FUT8: variants seen among roughly 807,000 people sequenced by gnomAD.
FUT8 encodes the protein fucosyltransferase 8, also known as alpha-(1,6)-fucosyltransferase.
FUT8 carries 29 observed loss-of-function variants against 71.3 expected under a neutral mutation model. The observed-to-expected ratio is 0.41, with a 90% confidence interval of 0.30 to 0.55. The LOEUF is 0.55. Among genes scored for constraint, FUT8 ranks in the 20% least tolerant of loss-of-function variants. The pLI is 0.34. For missense variants in FUT8, 544 were observed against 702.1 expected, an observed-to-expected ratio of 0.77 and a Z score of 2.55; for synonymous variants, 254 against 239.3, an observed-to-expected ratio of 1.06 and a Z score of -0.57.
the FUT8 span, among the ~76,000 whole-genome samples, chr14:65,388,591 G>A: frequency 6.6e-6 from 1 of 152,114 alleles, no homozygotes; most frequent in South Asian, 2.1e-4. Flanking sequence ...GTGAAACCCC[G>A]TCTCTGCTAA....
chr14:65,654,689 A>C (rs1566877735), intron 6 of FUT8, among the ~76,000 whole-genome samples: 1 of 152,192 alleles, frequency 6.6e-6, no homozygotes, highest in Admixed American at 6.5e-5. Context: ...ACTATAGATA[A>C]ATCAAAATTA....
chr14:65,612,649 T>C (rs1032036693), intron 3 of FUT8, among the ~76,000 whole-genome samples: 1 of 152,234 alleles, frequency 6.6e-6, no homozygotes, highest in African/African-American at 2.4e-5. Flanking sequence ...ACTCAGTGAA[T>C]GTACTGGCTC....
chr14:65,540,441 A>T (rs1884608327), intron 2 of FUT8, among the ~76,000 whole-genome samples: 1 of 152,204 alleles, frequency 6.6e-6, no homozygotes, highest in South Asian at 2.1e-4. Context: ...ACTTTATTGA[A>T]AGTGTAATAA....
intron 3 of FUT8, among the ~76,000 whole-genome samples, chr14:65,613,121 A>T (rs1889094243): frequency 6.6e-6 from 1 of 151,784 alleles, no homozygotes; most frequent in Admixed American, 6.6e-5. Flanking sequence ...TTAGAATTAG[A>T]TTGGAACTCT....
chr14:65,672,950 T>G (rs1266538816), intron 7 of FUT8, among the ~76,000 whole-genome samples: 1 of 152,222 alleles, frequency 6.6e-6, no homozygotes, highest in South Asian at 2.1e-4. Context: ...ATTATTCACC[T>G]TAACAGTTAA....
chr14:65,685,530 A>G (rs747535852), intron 7 of FUT8, among the ~76,000 whole-genome samples: 1 of 152,224 alleles, frequency 6.6e-6, no homozygotes, highest in East Asian at 1.9e-4. Flanking sequence ...AATTTGGGGC[A>G]AGTCCATAGA....
At chr14:65,468,814 C>T (rs2066088589) in intron 2 of FUT8, among the ~76,000 whole-genome samples, 1 of 152,016 alleles carries the variant, frequency 6.6e-6, no homozygotes, top group Non-Finnish European at 1.5e-5. Flanking sequence ...TCCTTTCTTT[C>T]CACAGGATCT....
Position 65,652,145 on chromosome 14 carries a change from A to G in FUT8, c.598-17098A>G, listed in dbSNP as rs1458361972. On this transcript the variant is annotated intron_variant, in intron 6 of 10. Coordinates refer to ENST00000673929, the MANE Select transcript of FUT8 (RefSeq NM_001371533.1). This position sits in a 1 kb window ranked among gnomAD's most constrained non-coding sequence, Gnocchi z 4.0. ...GCCTCCAGAAGAAGCCAACCCTGCC[A>G]ACACCTTGATTTTGGACTTCTGGCT... Among the ~76,000 whole-genome samples the G allele has an allele frequency of 1.3e-5, 2 of 152,172 alleles. No individual in the cohort carries two copies. Among genetic ancestry groups the G allele is most frequent in the Non-Finnish European group, 1.5e-5 (1 of 68,028 alleles).
chr14:65,740,554 C>T (rs1353147980), intron 10 of FUT8, among the ~76,000 whole-genome samples: 1 of 152,004 alleles, frequency 6.6e-6, no homozygotes, highest in African/African-American at 2.4e-5. Flanking sequence ...TTAACTGGCT[C>T]ATGGTTCTGC....
At position 65,742,433 on chromosome 14, in the gene FUT8, G is replaced by A. The variant is rs754822087; in HGVS notation, c.*23G>A. 1.3e-5 allele frequency: 20 copies of A among 1,596,974 alleles called. No homozygotes were observed. Among genetic ancestry groups the A allele is most frequent in the Middle Eastern group, 3.3e-4 (2 of 5,996 alleles). On this transcript the variant is annotated 3_prime_UTR_variant, in exon 11 of 11. Coordinates refer to ENST00000673929, the MANE Select transcript of FUT8 (RefSeq NM_001371533.1). ...TAAAGCTCAGATGGAAGAGATAAAC[G>A]ACCAAACTCAGTTCGACCAAACTCA...
At chr14:65,716,268 T>C (rs1018291593) in intron 7 of FUT8, among the ~76,000 whole-genome samples, 2 of 152,176 alleles carry the variant, frequency 1.3e-5, no homozygotes, top group Non-Finnish European at 2.9e-5. Context: ...TCGTTAGCTG[T>C]AATATTTGCT....
chr14:65,533,709 G>A (rs1027565172), intron 2 of FUT8, among the ~76,000 whole-genome samples: 2 of 151,972 alleles, frequency 1.3e-5, no homozygotes, highest in African/African-American at 4.8e-5. Context: ...GGGCATCTTT[G>A]TCTTGTGCCA....
chr14:65,627,234 G>T lies in FUT8; in HGVS notation c.483-2258G>T, dbSNP rs1297591594. On this transcript the variant is annotated intron_variant, in intron 5 of 10. Transcript: ENST00000673929. The surrounding 1 kb of genome is among the most constrained non-coding windows in gnomAD (Gnocchi z 4.0). ...TATTGTATATTGGAAAATGATAACT[G>T]CTTAGAAAAAAAAAATAAGCAGGGA... Among the ~76,000 whole-genome samples, 1 of 151,932 alleles carries T rather than the reference G, an allele frequency of 6.6e-6. No individual in the cohort carries two copies. The highest frequency in any genetic ancestry group is 2.4e-5 in the African/African-American group (1 of 41,352).
chr14:65,559,826 G>T (rs549435585), intron 2 of FUT8, among the ~76,000 whole-genome samples: 8 of 152,020 alleles, frequency 5.3e-5, no homozygotes, highest in South Asian at 2.1e-4. Context: ...TTTAAGAAAG[G>T]GACAGGATAA....
At chr14:65,624,029 T>C (rs948209378) in intron 5 of FUT8, among the ~76,000 whole-genome samples, 1 of 152,218 alleles carries the variant, frequency 6.6e-6, no homozygotes, top group African/African-American at 2.4e-5. Context: ...GTTCCCTTGC[T>C]GATTTGATTA....
At chr14:65,705,102 T>C (rs899512107) in intron 7 of FUT8, among the ~76,000 whole-genome samples, 3 of 152,184 alleles carry the variant, frequency 2.0e-5, no homozygotes, top group African/African-American at 7.2e-5. Flanking sequence ...TTCAATTGGT[T>C]GGAGGCTTCA....
At chr14:65,528,378 A>G (rs1009120683) in intron 2 of FUT8, among the ~76,000 whole-genome samples, 2 of 152,170 alleles carry the variant, frequency 1.3e-5, no homozygotes, top group African/African-American at 4.8e-5. Context: ...CCGGTGTGCC[A>G]TTTGCTTAAG....
chr14:65,585,709 A>G (rs961189859), intron 3 of FUT8, among the ~76,000 whole-genome samples: 2 of 152,238 alleles, frequency 1.3e-5, no homozygotes, highest in African/African-American at 4.8e-5. Flanking sequence ...AACAACAGTG[A>G]AGATTGGAAA....
chr14:65,740,984 A>C (rs2139410084), intron 10 of FUT8, among the ~76,000 whole-genome samples: 1 of 152,210 alleles, frequency 6.6e-6, no homozygotes, highest in East Asian at 1.9e-4. Flanking sequence ...CATTTTAAAT[A>C]CATGCAAAAC....
Sources: allele counts gnomAD v4.1 joint callset (sites outside exome capture counted in the v4.1 genomes callset), GRCh38; gene constraint gnomAD v4.1.1; non-coding constraint Gnocchi (gnomAD v3.1); transcripts MANE v1.5; gene names NCBI Gene and HGNC (gene_info 2026-07-23, HGNC 2026-07-21).